The following SLC2A5 variants were observed in gnomAD, a reference collection of about 807,000 sequenced individuals.
The protein encoded by SLC2A5 is solute carrier family 2 member 5, also known as solute carrier family 2, facilitated glucose transporter member 5.
SLC2A5 carries 56 observed loss-of-function variants against 50.3 expected under a neutral mutation model. The ratio of observed to expected loss-of-function variants is 1.11; its 90% confidence interval spans 0.90 to 1.39. The LOEUF (loss-of-function observed/expected upper bound fraction) is 1.39, where lower values mean the gene tolerates loss of function less well. Ranked by LOEUF, SLC2A5 falls within the 40% of genes most tolerant of loss-of-function variation. The pLI is 0.00. For synonymous variants in SLC2A5, 269 were observed against 281.9 expected (o/e 0.95, Z 0.46); for missense variants, 566 against 650.1 (o/e 0.87, Z 1.41).
chr1:9,076,400 T>C (rs1642284568), intron 2 of SLC2A5, among the ~76,000 whole-genome samples: 1 of 152,220 alleles, frequency 6.6e-6, no homozygotes, highest in South Asian at 2.1e-4. Context: ...TACTTGTTTG[T>C]GTTCAGATTG....
upstream of SLC2A5, chr1:9,088,549 A>C (rs1642426674): frequency 6.6e-6 from 1 of 152,410 alleles, no homozygotes; most frequent in Non-Finnish European, 1.5e-5. Context: ...TTGGGAGGTC[A>C]AAGTGGGTGG....
chr1:9,042,142 G>GGCCCTTGCT (rs1641320481), intron 4 of SLC2A5, among the ~76,000 whole-genome samples: 1 of 152,126 alleles, frequency 6.6e-6, no homozygotes, highest in South Asian at 2.1e-4. Flanking sequence ...CATGCACAGG[G>GGCCCTTGCT]GCCCTTGCTT....
rs537871579 is a variant in SLC2A5 at position 9,038,374 on chromosome 1, G to A, written c.1174+57C>T. The A allele has an allele frequency of 1.3e-4, 167 of 1,303,102 alleles. 2 individuals are homozygous for A. Among genetic ancestry groups the A allele is most frequent in the South Asian group, 9.7e-4 (81 of 83,916 alleles). 80.7% of individuals were successfully genotyped at this position (1,303,102 alleles called of 1,614,324 possible). A position where few individuals can be genotyped will look rare whatever the true frequency, so the allele number is the denominator to read the frequency against. On this transcript the variant is annotated intron_variant, in intron 10 of 11. Transcript: ENST00000377424. ...TGGTATCTCTAAGGAGCTCCAGCCC[G>A]GAGCTTCTGGGACCAGGGGGGGTTG... is the stretch of plus-strand genomic sequence containing the variant.
chr1:9,075,168 A>C (rs1642268750), intron 2 of SLC2A5, among the ~76,000 whole-genome samples: 1 of 152,242 alleles, frequency 6.6e-6, no homozygotes, highest in South Asian at 2.1e-4. Context: ...GGTCCACAAC[A>C]GATAAACAAA....
At chr1:9,076,105 GC>G (rs1219691622) in intron 2 of SLC2A5, among the ~76,000 whole-genome samples, 1 of 151,888 alleles carries the variant, frequency 6.6e-6, no homozygotes, top group Non-Finnish European at 1.5e-5. Flanking sequence ...ACAGACGCAC[GC>G]CACTACGCCT....
At chr1:9,079,451 T>C (rs1277945785) in intron 2 of SLC2A5, among the ~76,000 whole-genome samples, 4 of 152,188 alleles carry the variant, frequency 2.6e-5, no homozygotes, top group Non-Finnish European at 2.9e-5. Flanking sequence ...GGTTACACAT[T>C]ACCCTGGATA....
intron 3 of SLC2A5, among the ~76,000 whole-genome samples, chr1:9,050,639 T>G (rs1641547262): frequency 6.6e-6 from 1 of 151,694 alleles, no homozygotes. Context: ...GAAAAAAAAA[T>G]CTAGACAGTC....
chr1:9,053,080 T>TAATATA (rs1397421637), intron 3 of SLC2A5, among the ~76,000 whole-genome samples: 2 of 69,136 alleles, frequency 2.9e-5, no homozygotes, highest in African/African-American at 1.3e-4. Flanking sequence ...TATTTATATA[T>TAATATA]TAATATATAA....
chr1:9,090,265 C>A (rs1642449265), upstream of SLC2A5, among the ~76,000 whole-genome samples: 2 of 152,128 alleles, frequency 1.3e-5, no homozygotes, highest in African/African-American at 4.8e-5. Context: ...ACTTAAATCC[C>A]AAATTCCTCA....
upstream of SLC2A5, among the ~76,000 whole-genome samples, chr1:9,073,887 C>T (rs1337662240): frequency 1.3e-5 from 2 of 152,202 alleles, no homozygotes; most frequent in Non-Finnish European, 2.9e-5. Flanking sequence ...CAAGACCAGA[C>T]TGGCCAACAT....
upstream of SLC2A5, among the ~76,000 whole-genome samples, chr1:9,091,357 C>G (rs1233280077): frequency 6.6e-6 from 1 of 152,184 alleles, no homozygotes; most frequent in Non-Finnish European, 1.5e-5. Flanking sequence ...GGGAAACTCC[C>G]TCCAACCAGT....
In SLC2A5 at chr1:9,039,546, A is replaced by T. The variant is rs2124306833; in HGVS notation, c.996+6T>A. 3 of 1,555,810 alleles carry T rather than the reference A, an allele frequency of 1.9e-6. No individual in the cohort carries two copies. Among genetic ancestry groups the T allele is most frequent in the Middle Eastern group, 1.7e-4 (1 of 5,976 alleles). ...GGAGGCTGTGGGCAGCTCCCAGGAC[A>T]CTCACGGCGCAGAAGGTCATGACCA... On this transcript the variant is annotated splice_donor_region_variant and intron_variant, in intron 8 of 11. Transcript: ENST00000377424.
At chr1:9,093,388 A>G (rs550144349), upstream of SLC2A5, among the ~76,000 whole-genome samples, 5 of 152,226 alleles carry the variant, frequency 3.3e-5, no homozygotes, top group African/African-American at 1.2e-4. Context: ...TTACATCTCC[A>G]CAGGACCAAC....
At chr1:9,071,422 C>G (rs946453684), upstream of SLC2A5, among the ~76,000 whole-genome samples, 3 of 152,146 alleles carry the variant, frequency 2.0e-5, no homozygotes, top group Non-Finnish European at 4.4e-5. Context: ...CCCCCATCCT[C>G]CCCCCAAAAA....
chr1:9,091,582 C>T (rs1483623765), upstream of SLC2A5, among the ~76,000 whole-genome samples: 1 of 151,626 alleles, frequency 6.6e-6, no homozygotes, highest in African/African-American at 2.4e-5. Flanking sequence ...ACTCTCTCAA[C>T]CCTCTATCTC....
intron 3 of SLC2A5, among the ~76,000 whole-genome samples, chr1:9,055,875 C>G (rs1434833124): frequency 6.6e-6 from 1 of 152,166 alleles, no homozygotes; most frequent in Non-Finnish European, 1.5e-5. Context: ...AATTTCACAC[C>G]ACTGCACTCC....
chr1:9,042,388 G>A lies in SLC2A5; in HGVS notation c.419-451C>T, dbSNP rs146852604. Among the ~76,000 whole-genome samples the A allele has an allele frequency of 2.2e-3, 335 of 151,978 alleles. 1 individual carries two copies. The highest frequency in any genetic ancestry group is 7.9e-3 in the African/African-American group (327 of 41,452). On this transcript the variant is annotated intron_variant, in intron 4 of 11. Coordinates refer to ENST00000377424, the MANE Select transcript of SLC2A5 (RefSeq NM_003039.3). ...CCAGCCTGGGCAACATAGTGGAACC[G>A]TTTCCACTAAAAATATGTATATGTG...
At chr1:9,087,954 G>GT (rs1159851722) in intron 1 of SLC2A5, among the ~76,000 whole-genome samples, 1 of 152,082 alleles carries the variant, frequency 6.6e-6, no homozygotes, top group Admixed American at 6.5e-5. Context: ...AAAGCATTTA[G>GT]TTTTTTATTA....
chr1:9,073,626 G>A (rs541882765), upstream of SLC2A5, among the ~76,000 whole-genome samples: 3 of 152,314 alleles, frequency 2.0e-5, no homozygotes, highest in South Asian at 6.2e-4. Flanking sequence ...AGCTGAAACC[G>A]TTTCTCACTG....
Sources: allele counts gnomAD v4.1 joint callset (sites outside exome capture counted in the v4.1 genomes callset), GRCh38; gene constraint gnomAD v4.1.1; transcripts MANE v1.5; gene names NCBI Gene and HGNC (gene_info 2026-07-23, HGNC 2026-07-21).